Variants in PDSS2 observed in about 807,000 individuals in gnomAD.
The protein encoded by PDSS2 is decaprenyl diphosphate synthase subunit 2.
In PDSS2, 31 loss-of-function variants were observed where a neutral mutation model predicts 44.5. The ratio of observed to expected loss-of-function variants is 0.70; its 90% CI spans 0.52 to 0.94. PDSS2 has a LOEUF of 0.94. Ranked by LOEUF, PDSS2 falls within the 40% of genes least tolerant of loss-of-function variation. The pLI is 0.00. For missense variants in PDSS2, 452 were observed against 482.2 expected (o/e 0.94, Z 0.59); for synonymous variants, 157 against 180.3 (o/e 0.87, Z 1.03).
chr6:107,211,466 T>G (rs1773203444), intron 5 of PDSS2, among the ~76,000 whole-genome samples: 1 of 151,622 alleles, frequency 6.6e-6, no homozygotes, highest in Non-Finnish European at 1.5e-5. Flanking sequence ...GCGTGGTGGC[T>G]CACACCTGTA....
At chr6:107,290,677 T>C (rs1490187406) in intron 2 of PDSS2, among the ~76,000 whole-genome samples, 3 of 152,226 alleles carry the variant, frequency 2.0e-5, no homozygotes, top group African/African-American at 7.2e-5. Flanking sequence ...GCACTCGGCT[T>C]ATGTATCTAC....
chr6:107,183,998 TCAAAA>T (rs10601180), intron 7 of PDSS2, among the ~76,000 whole-genome samples: 56,331 of 151,184 alleles, frequency 0.37, 10,689 homozygotes, highest in African/African-American at 0.43. Flanking sequence ...AAACTCTGTC[TCAAAA>T]CAAAACAAAA....
At chr6:107,247,087 G>C (rs764756573) in intron 3 of PDSS2, among the ~76,000 whole-genome samples, 13 of 152,030 alleles carry the variant, frequency 8.6e-5, no homozygotes, top group African/African-American at 3.1e-4. Flanking sequence ...ATCGCCAATA[G>C]GTCTATGAAA....
intron 1 of PDSS2, among the ~76,000 whole-genome samples, chr6:107,375,613 G>A (rs1779262481): frequency 1.3e-5 from 2 of 152,166 alleles, no homozygotes; most frequent in Admixed American, 6.5e-5. Context: ...ACTCATACCA[G>A]CAGCTCTTTC....
At chr6:107,302,672 A>T (rs1272276528) in intron 2 of PDSS2, among the ~76,000 whole-genome samples, 2 of 152,090 alleles carry the variant, frequency 1.3e-5, no homozygotes, top group East Asian at 3.9e-4. Context: ...ACAATTATTT[A>T]ATGGCCTACT....
intron 1 of PDSS2, among the ~76,000 whole-genome samples, chr6:107,394,549 C>T (rs929678023): frequency 6.6e-6 from 1 of 152,128 alleles, no homozygotes; most frequent in Non-Finnish European, 1.5e-5. Context: ...TAAACCACCC[C>T]CCATGATCCA....
chr6:107,366,781 A>G (rs1184892201), intron 1 of PDSS2, among the ~76,000 whole-genome samples: 1 of 152,062 alleles, frequency 6.6e-6, no homozygotes, highest in East Asian at 1.9e-4. Context: ...TTAAGAACAC[A>G]CAGAAAATAT....
At chr6:107,165,014 TG>T (rs1434252727) in intron 7 of PDSS2, among the ~76,000 whole-genome samples, 1 of 152,208 alleles carries the variant, frequency 6.6e-6, no homozygotes, top group Non-Finnish European at 1.5e-5. Flanking sequence ...TTGATGGGGT[TG>T]TTTTTTTCTT....
intron 4 of PDSS2, among the ~76,000 whole-genome samples, chr6:107,240,798 G>T (rs1199203516): frequency 6.6e-6 from 1 of 151,934 alleles, no homozygotes; most frequent in Non-Finnish European, 1.5e-5. Context: ...AAAGCAGAGA[G>T]GGGAGATATT....
intron 3 of PDSS2, among the ~76,000 whole-genome samples, chr6:107,252,136 A>G (rs1008333090): frequency 5.9e-5 from 9 of 152,078 alleles, no homozygotes; most frequent in Non-Finnish European, 1.2e-4. Context: ...CTACTCACCC[A>G]CCACCTGGGC....
chr6:107,314,967 G>T (rs1486509317), intron 2 of PDSS2, among the ~76,000 whole-genome samples: 1 of 152,130 alleles, frequency 6.6e-6, no homozygotes, highest in Non-Finnish European at 1.5e-5. Flanking sequence ...TAACACTAAG[G>T]TTGTGACATC....
chr6:107,166,361 GTTTTT>G (rs34385593), intron 7 of PDSS2, among the ~76,000 whole-genome samples: 2 of 100,948 alleles, frequency 2.0e-5, no homozygotes, highest in Non-Finnish European at 2.0e-5. Context: ...TTTATTGAGA[GTTTTT>G]TTTTTTTTTT....
intron 2 of PDSS2, among the ~76,000 whole-genome samples, chr6:107,326,903 T>C (rs988178231): frequency 3.3e-5 from 5 of 151,914 alleles, no homozygotes; most frequent in Admixed American, 3.3e-4. Flanking sequence ...TGCTTTAAAA[T>C]TGGTCAGTAT....
intron 5 of PDSS2, 150 bp downstream of exon 5, chr6:107,211,959 A>G (rs1447284265): frequency 4.4e-6 from 3 of 685,522 alleles, no homozygotes; most frequent in Non-Finnish European, 7.7e-6. Context: ...TACTATTTAC[A>G]TTACATAACA....
chr6:107,387,248 T>C (rs947415707), intron 1 of PDSS2, among the ~76,000 whole-genome samples: 3 of 152,222 alleles, frequency 2.0e-5, no homozygotes, highest in Non-Finnish European at 4.4e-5. Context: ...GGAGATGAGA[T>C]GACAGGCCTG....
At position 107,288,826 on chromosome 6, in the gene PDSS2, C is replaced by T. The variant is rs1284917353; in HGVS notation, c.432-14599G>A. Among the ~76,000 whole-genome samples, 4 of 129,516 alleles carry T rather than the reference C, an allele frequency of 3.1e-5. No individual in the cohort carries two copies. The Admixed American group carries it at 3.7e-4, about 12-fold the overall frequency. The allele number at this position is 129,516 out of a possible 152,430, so 85.0% of individuals were successfully genotyped here. A position where few individuals can be genotyped will look rare whatever the true frequency, so the allele number is the denominator to read the frequency against. ...CCAGGCTGGAGTGCAGTGGTACGAT[C>T]TCGGCTCACTGCAACCTCCGCCTAC... On this transcript the variant is annotated intron_variant, in intron 2 of 7. Transcript: ENST00000369037.
chr6:107,443,992 A>G (rs1295507147), intron 1 of PDSS2, among the ~76,000 whole-genome samples: 1 of 152,174 alleles, frequency 6.6e-6, no homozygotes, highest in Admixed American at 6.5e-5. Flanking sequence ...CCCATATTAA[A>G]TCATTCAATC....
chr6:107,357,992 T>C (rs1014304465), intron 1 of PDSS2, among the ~76,000 whole-genome samples: 3 of 152,164 alleles, frequency 2.0e-5, no homozygotes, highest in African/African-American at 7.2e-5. Flanking sequence ...ATCAGTATAA[T>C]ACTGGTTGAG....
At chr6:107,268,754 C>G (rs1287037087) in intron 3 of PDSS2, among the ~76,000 whole-genome samples, 1 of 152,074 alleles carries the variant, frequency 6.6e-6, no homozygotes, top group African/African-American at 2.4e-5. Context: ...ATTACTGATA[C>G]TTTCAATTAT....
Sources: allele counts gnomAD v4.1 joint callset (sites outside exome capture counted in the v4.1 genomes callset), GRCh38; gene constraint gnomAD v4.1.1; transcripts MANE v1.5; gene names NCBI Gene and HGNC (gene_info 2026-07-23, HGNC 2026-07-21).